The following LCA5 variants were observed in gnomAD, a reference collection of about 807,000 sequenced individuals.
The protein encoded by LCA5 is lebercilin LCA5.
LCA5 carries 37 observed loss-of-function variants against 53.0 expected under a neutral mutation model. That is an observed-to-expected ratio of 0.70 (90% confidence interval 0.54 to 0.92). The LOEUF (loss-of-function observed/expected upper bound fraction) is 0.92. Among genes scored for constraint, LCA5 ranks in the 40% least tolerant of loss-of-function variants. LCA5 has a pLI of 0.00. For missense variants in LCA5, 806 were observed against 790.5 expected (o/e 1.02, Z -0.23); for synonymous variants, 303 against 282.9 (o/e 1.07, Z -0.71).
At chr6:79,491,480 T>G in intron 6 of LCA5, 108 bp downstream of exon 6, 1 of 1,169,454 alleles carries the variant, frequency 8.6e-7, no homozygotes, top group Admixed American at 1.7e-5. Context: ...CGCATATTCA[T>G]ATAGATATAG....
At position 79,518,764 on chromosome 6, in the gene LCA5, G is replaced by C. The variant is rs572731652; in HGVS notation, c.131C>G (p.Ala44Gly). The change falls in exon 2 of 8, where the codon GCA (alanine) becomes GGA (glycine). Residue 44 changes from alanine (A) to glycine (G), a missense_variant. Physicochemically the swap from Ala to Gly is moderately conservative, Grantham distance 60. Coordinates refer to ENST00000369846, the MANE Select transcript of LCA5 (RefSeq NM_001122769.3). ...TTTAGGATTTTTTCTCCTAACACTT[G>C]CAGGTGAAGAACTGACCAGCGATGA... ...GRSSLVSSSP[A>G]SVRRKNPKRQ... is the part of the protein sequence containing the mutation. The C allele has an allele frequency of 6.2e-7, 1 of 1,614,090 alleles. No homozygotes were observed. Among genetic ancestry groups the C allele is most frequent in the East Asian group, 2.2e-5 (1 of 44,878 alleles).
intron 1 of LCA5, among the ~76,000 whole-genome samples, chr6:79,534,539 T>A (rs1232469713): frequency 3.3e-5 from 5 of 151,988 alleles, no homozygotes; most frequent in Non-Finnish European, 5.9e-5. Context: ...GTTAAGTAAT[T>A]CCCAACCAAG....
upstream of LCA5, among the ~76,000 whole-genome samples, chr6:79,538,018 GTTTTTTTTTTTTTTTTTTTT>G (rs869197362): frequency 0.031 from 1,357 of 44,176 alleles, 77 homozygotes; most frequent in African/African-American, 0.1. Context: ...TTGCACACAA[GTTTTTTTTTTTTTTTTTTTT>G]TTTTTTTTTT....
upstream of LCA5, among the ~76,000 whole-genome samples, chr6:79,537,945 T>A (rs1767204651): frequency 6.7e-6 from 1 of 150,310 alleles, no homozygotes; most frequent in South Asian, 2.1e-4. Context: ...GAGCCGTGAG[T>A]TTGGCTTGAA....
intron 3 of LCA5, among the ~76,000 whole-genome samples, chr6:79,499,304 A>T (rs1254393460): frequency 1.6e-5 from 2 of 126,452 alleles, no homozygotes; most frequent in East Asian, 9.1e-4. Flanking sequence ...TACTTATTTA[A>T]AAAAAGCTTC....
In LCA5 at chr6:79,513,626, T is replaced by C; in HGVS notation, c.306A>G (p.Lys102=). Residue 102 remains lysine, a synonymous_variant, in exon 3 of 8, where the codon AAA becomes AAG. Transcript: ENST00000369846. The part of the protein sequence containing the change: ...PLRKDTDLVT[K]RILSARLLKI... The stretch of plus-strand genomic sequence containing the variant: ...TTAGCAGTCTTGCAGACAGAATCCG[T>C]TTTGTAACAAGATCAGTATCTTTCC... The C allele has an allele frequency of 1.9e-6, 3 of 1,613,908 alleles. No individual in the cohort carries two copies. Among genetic ancestry groups the C allele is most frequent in the Admixed American group, 1.7e-5 (1 of 59,998 alleles).
chr6:79,533,241 A>C (rs1181102903), intron 1 of LCA5, among the ~76,000 whole-genome samples: 1 of 152,152 alleles, frequency 6.6e-6, no homozygotes. Flanking sequence ...AAAAGGAAAA[A>C]AGTGATCTTA....
At chr6:79,520,280 A>G (rs1766588826) in intron 1 of LCA5, among the ~76,000 whole-genome samples, 1 of 152,174 alleles carries the variant, frequency 6.6e-6, no homozygotes, top group Non-Finnish European at 1.5e-5. Context: ...AAAAGTCTGT[A>G]TTTAAGGAAA....
chr6:79,506,829 C>T (rs1206151119), intron 3 of LCA5, among the ~76,000 whole-genome samples: 3 of 152,154 alleles, frequency 2.0e-5, no homozygotes, highest in Non-Finnish European at 4.4e-5. Context: ...AAAGGCTCCA[C>T]TGAAACATAT....
At chr6:79,514,007 G>A (rs1766347391) in intron 2 of LCA5, among the ~76,000 whole-genome samples, 1 of 152,072 alleles carries the variant, frequency 6.6e-6, no homozygotes, top group South Asian at 2.1e-4. Context: ...GCAGTATCAG[G>A]CTTTAACCAT....
At chr6:79,529,057 C>T (rs1363027478) in intron 1 of LCA5, among the ~76,000 whole-genome samples, 1 of 150,768 alleles carries the variant, frequency 6.6e-6, no homozygotes, top group East Asian at 1.9e-4. Flanking sequence ...CCTTACATCT[C>T]TCATAACTGT....
At chr6:79,517,203 A>G (rs1766464322) in intron 2 of LCA5, among the ~76,000 whole-genome samples, 1 of 152,064 alleles carries the variant, frequency 6.6e-6, no homozygotes, top group Non-Finnish European at 1.5e-5. Context: ...TTCAAAGGAC[A>G]GTGTAAAACA....
intron 3 of LCA5, among the ~76,000 whole-genome samples, chr6:79,497,836 T>C (rs1226291238): frequency 6.6e-6 from 1 of 151,420 alleles, no homozygotes; most frequent in Non-Finnish European, 1.5e-5. Flanking sequence ...AGCCAGGCGT[T>C]GTGGTGCGCA....
rs766751187 is a variant in LCA5 at position 79,518,834 on chromosome 6, A to C, written c.61T>G (p.Tyr21Asp). Residue 21 changes from tyrosine to aspartate, a missense_variant, in exon 2 of 8, where the codon TAT becomes GAT. Coordinates refer to ENST00000369846, the MANE Select transcript of LCA5 (RefSeq NM_001122769.3). ...DQERKAGKHH[Y>D]SYLSDFETPQ... ...GTTTCAAAATCAGATAAGTAAGAAT[A>C]ATGGTGTTTGCCTGCCTTTCTTTCT... The C allele has an allele frequency of 1.2e-6, 2 of 1,614,108 alleles. No homozygotes were observed. Among genetic ancestry groups the C allele is most frequent in the Non-Finnish European group, 1.7e-6 (2 of 1,179,998 alleles).
At chr6:79,521,593 A>C (rs1186077478) in intron 1 of LCA5, among the ~76,000 whole-genome samples, 1 of 152,212 alleles carries the variant, frequency 6.6e-6, no homozygotes, top group East Asian at 1.9e-4. Flanking sequence ...GAGTTTTAAA[A>C]CTTTGACATT....
intron 3 of LCA5, among the ~76,000 whole-genome samples, chr6:79,506,535 T>C (rs1459547934): frequency 6.6e-6 from 1 of 152,162 alleles, no homozygotes; most frequent in East Asian, 1.9e-4. Context: ...ACAGAATTGA[T>C]GCCTTTACTT....
chr6:79,500,779 A>G (rs1483081149), intron 3 of LCA5, among the ~76,000 whole-genome samples: 4 of 152,170 alleles, frequency 2.6e-5, no homozygotes, highest in East Asian at 3.9e-4. Flanking sequence ...AAATAAATCC[A>G]TTTCTCCTGC....
rs1766540765 is a variant in LCA5, at chr6:79,519,014, C to A, written c.-120G>T. On this transcript the variant is annotated 5_prime_UTR_variant, in exon 2 of 8. Coordinates refer to ENST00000369846, the MANE Select transcript of LCA5 (RefSeq NM_001122769.3). The stretch of plus-strand genomic sequence containing the variant: ...GATCCTGATAATATTCATTTCTGTG[C>A]AATCTATTTTCTCCACAATGTATTT... 2.0e-6 allele frequency: 2 copies of A among 1,018,000 alleles called. No homozygotes were observed. Among genetic ancestry groups the A allele is most frequent in the Middle Eastern group, 3.0e-4 (1 of 3,354 alleles). 63.1% of individuals were successfully genotyped at this position (1,018,000 alleles called of 1,614,324 possible). A position where few individuals can be genotyped will look rare whatever the true frequency, so the allele number is the denominator to read the frequency against.
intron 7 of LCA5, 56 bp downstream of exon 7, chr6:79,489,028 T>A: frequency 1.2e-6 from 2 of 1,600,266 alleles, no homozygotes; most frequent in Non-Finnish European, 1.7e-6. Flanking sequence ...ACGCTCACTC[T>A]TTCTTTCTCA....
Sources: allele counts gnomAD v4.1 joint callset (sites outside exome capture counted in the v4.1 genomes callset), GRCh38; gene constraint gnomAD v4.1.1; transcripts MANE v1.5; gene names NCBI Gene and HGNC (gene_info 2026-07-23, HGNC 2026-07-21).